ANO1: variants seen among roughly 807,000 people sequenced by gnomAD.
ANO1 encodes the protein anoctamin 1.
In ANO1, 59 loss-of-function variants were observed where a neutral mutation model predicts 124.0. That is an observed-to-expected ratio of 0.48 (90% CI 0.39 to 0.59). ANO1 has a LOEUF of 0.59. Among genes scored for constraint, ANO1 ranks in the 20% least tolerant of loss-of-function variants. ANO1 has a pLI of 0.00. For synonymous variants in ANO1, 529 were observed against 532.0 expected (o/e 0.99, Z 0.08); for missense variants, 1,059 against 1,328.0 (o/e 0.80, Z 3.15).
the ANO1 span, among the ~76,000 whole-genome samples, chr11:69,967,984 T>C: frequency 1.3e-4 from 20 of 152,144 alleles, no homozygotes; most frequent in Non-Finnish European, 5.9e-5. Context: ...GATCTTGTCT[T>C]ACAGGGACTC....
intron 11 of ANO1, among the ~76,000 whole-genome samples, chr11:70,148,005 A>G (rs2047448909): frequency 6.6e-6 from 1 of 152,160 alleles, no homozygotes; most frequent in Non-Finnish European, 1.5e-5. Context: ...CCGATACAGT[A>G]GCCATCCTAG....
chr11:70,004,479 C>T (rs1367187963), intron 1 of ANO1, among the ~76,000 whole-genome samples: 3 of 152,218 alleles, frequency 2.0e-5, no homozygotes, highest in Admixed American at 2.0e-4. Context: ...GAGGCAACCT[C>T]TCACATGGTT....
chr11:70,108,914 G>A (rs571856914), intron 6 of ANO1, among the ~76,000 whole-genome samples: 2 of 152,232 alleles, frequency 1.3e-5, no homozygotes, highest in South Asian at 2.1e-4. Context: ...AGGCTTTCTG[G>A]GTACCAGTTT....
intron 1 of ANO1, among the ~76,000 whole-genome samples, chr11:69,999,321 G>A (rs1241692482): frequency 7.2e-5 from 11 of 152,084 alleles, no homozygotes; most frequent in African/African-American, 2.7e-4. Flanking sequence ...TTACTCTCAT[G>A]AGGACAGTAC....
chr11:69,981,830 C>T (rs1855962397), upstream of ANO1, among the ~76,000 whole-genome samples: 1 of 152,220 alleles, frequency 6.6e-6, no homozygotes, highest in South Asian at 2.1e-4. Flanking sequence ...TTGTAGTACA[C>T]CCAGACCATG....
intron 1 of ANO1, among the ~76,000 whole-genome samples, chr11:70,073,109 A>T (rs150623456): frequency 4.6e-5 from 7 of 152,276 alleles, no homozygotes; most frequent in African/African-American, 1.4e-4. Flanking sequence ...GCAATCTGGA[A>T]CTTTTACTCT....
intron 15 of ANO1, 112 bp downstream of exon 15, chr11:70,156,100 C>A: frequency 9.0e-7 from 1 of 1,108,878 alleles, no homozygotes; most frequent in Non-Finnish European, 1.2e-6. Context: ...ACATTCACAT[C>A]CGTGTTTCTC....
upstream of ANO1, among the ~76,000 whole-genome samples, chr11:69,985,074 C>G (rs1482885280): frequency 1.3e-5 from 2 of 152,192 alleles, no homozygotes; most frequent in African/African-American, 4.8e-5. Context: ...TTGTCCAGAC[C>G]TTGGTTTCTA....
chr11:70,082,793 C>A (rs1422304498), intron 1 of ANO1, among the ~76,000 whole-genome samples: 1 of 152,220 alleles, frequency 6.6e-6, no homozygotes, highest in African/African-American at 2.4e-5. Flanking sequence ...TGGAAGGGCA[C>A]CATAAAGTCA....
At chr11:70,084,608 C>T (rs530129827) in intron 1 of ANO1, among the ~76,000 whole-genome samples, 13 of 152,324 alleles carry the variant, frequency 8.5e-5, no homozygotes, top group African/African-American at 2.6e-4. Flanking sequence ...GATGTAGACC[C>T]AGGTCTGGCT....
At chr11:70,115,151 C>T (rs1347031482) in intron 7 of ANO1, among the ~76,000 whole-genome samples, 7 of 152,044 alleles carry the variant, frequency 4.6e-5, no homozygotes, top group East Asian at 1.9e-4. Flanking sequence ...GCTCTCAGAG[C>T]GTCTTCGTTC....
intron 22 of ANO1, among the ~76,000 whole-genome samples, chr11:70,173,668 G>T (rs2048560979): frequency 6.6e-6 from 1 of 152,194 alleles, no homozygotes; most frequent in South Asian, 2.1e-4. Context: ...AGGCTTCCTG[G>T]ACCCAGAGAC....
chr11:70,092,446 G>GCAGGGTCATGGCTGAGGGC (rs1462512008), intron 2 of ANO1, among the ~76,000 whole-genome samples: 17 of 152,220 alleles, frequency 1.1e-4, no homozygotes, highest in African/African-American at 4.1e-4. Context: ...GCAGCATGGG[G>GCAGGGTCATGGCTGAGGGC]CAGGGTCATG....
chr11:70,145,480 G>A (rs1051390663), intron 11 of ANO1, among the ~76,000 whole-genome samples: 8 of 152,102 alleles, frequency 5.3e-5, no homozygotes, highest in African/African-American at 1.9e-4. Context: ...ACGTGTCTGA[G>A]CCAAACAAGC....
chr11:70,141,007 C>T (rs1590840597), intron 11 of ANO1, among the ~76,000 whole-genome samples: 1 of 152,092 alleles, frequency 6.6e-6, no homozygotes, highest in Non-Finnish European at 1.5e-5. Flanking sequence ...AGAGGGTAAG[C>T]GACTTGCCCA....
In ANO1 at chr11:70,087,790, C is replaced by T; in HGVS notation, c.147C>T (p.Cys49=). 2 of 1,610,870 alleles carry T rather than the reference C, an allele frequency of 1.2e-6. No individual in the cohort carries two copies. The highest frequency in any genetic ancestry group is 8.5e-7 in the Non-Finnish European group (1 of 1,178,694). The change falls in exon 2 of 26, where the codon TGC becomes TGT. Residue 49 remains cysteine, a synonymous_variant. Coordinates refer to ENST00000355303, the MANE Select transcript of ANO1 (RefSeq NM_018043.7). ...TATCTGTGGACCCTGATGCCGAGTG[C>T]AAGTATGGCCTGTACTTCAGGGACG... ...NSLSVDPDAE[C]KYGLYFRDGR...
chr11:70,144,567 G>A (rs2047282344), intron 11 of ANO1, among the ~76,000 whole-genome samples: 1 of 152,254 alleles, frequency 6.6e-6, no homozygotes, highest in South Asian at 2.1e-4. Context: ...AGGAGTTTGT[G>A]TGACTCTGTG....
intron 1 of ANO1, among the ~76,000 whole-genome samples, chr11:70,081,772 G>T (rs2044209764): frequency 6.6e-6 from 1 of 152,218 alleles, no homozygotes; most frequent in African/African-American, 2.4e-5. Flanking sequence ...TGAGGAAGGG[G>T]TTCATAGAGG....
At position 70,149,773 on chromosome 11, in the gene ANO1, C is replaced by T. The variant is rs374001966; in HGVS notation, c.1322C>T (p.Thr441Met). 18 of 1,613,640 alleles carry T rather than the reference C, an allele frequency of 1.1e-5. No individual in the cohort carries two copies. Among genetic ancestry groups the T allele is most frequent in the Admixed American group, 3.3e-5 (2 of 59,970 alleles). The change falls in exon 12 of 26, where the codon ACG (threonine) becomes ATG (methionine). Residue 441 changes from threonine (T) to methionine (M), a missense_variant. This residue lies in a region of ANO1 where 809 missense variants were observed against 1,094.9 expected (regional missense o/e 0.74). Coordinates refer to ENST00000355303, the MANE Select transcript of ANO1 (RefSeq NM_018043.7). ...CGACTCAACTACCGCTGGGACCTCA[C>T]GGGCTTTGAAGAGGAAGAGGTCAGT... ...QMRLNYRWDL[T>M]GFEEEEEAVK...
Sources: allele counts gnomAD v4.1 joint callset (sites outside exome capture counted in the v4.1 genomes callset), GRCh38; gene constraint gnomAD v4.1.1; regional missense constraint gnomAD v4.1.1; transcripts MANE v1.5; gene names NCBI Gene and HGNC (gene_info 2026-07-23, HGNC 2026-07-21).